The following DRAXIN variants were observed in gnomAD, a reference collection of about 807,000 sequenced individuals.
DRAXIN encodes the protein dorsal inhibitory axon guidance protein, also known as dorsal repulsive axon guidance protein.
DRAXIN carries 27 observed loss-of-function variants against 33.9 expected under a neutral mutation model. That is an observed-to-expected ratio of 0.80 (90% confidence interval 0.59 to 1.10). DRAXIN has a LOEUF of 1.10. Ranked by LOEUF, DRAXIN falls within the 50% of genes least tolerant of loss-of-function variation. The pLI, the probability that DRAXIN is intolerant of heterozygous loss-of-function variation, is 0.00. For missense variants in DRAXIN, 371 were observed against 460.8 expected, an observed-to-expected ratio of 0.81 and a Z score of 1.78; for synonymous variants, 178 against 194.0, an observed-to-expected ratio of 0.92 and a Z score of 0.69.
intron 1 of DRAXIN, among the ~76,000 whole-genome samples, chr1:11,699,097 C>G (rs544076151): frequency 4.6e-5 from 7 of 152,270 alleles, no homozygotes; most frequent in South Asian, 4.1e-4. Flanking sequence ...AACAGACAGA[C>G]AGATGGAGGA....
In DRAXIN at chr1:11,704,396, C is replaced by T. The variant is rs1269764247; in HGVS notation, c.-10-1853C>T. On this transcript the variant is annotated intron_variant, in intron 1 of 6. Coordinates refer to ENST00000294485, the MANE Select transcript of DRAXIN (RefSeq NM_198545.4). This position sits in a 1 kb window ranked among gnomAD's most constrained non-coding sequence, Gnocchi z 4.6. The stretch of plus-strand genomic sequence containing the variant: ...CCAGAGAGCAGCCCCGCTCCACTGG[C>T]CCCGAAGCAGGATTGAGGTTCCCTC... Among the ~76,000 whole-genome samples the T allele has an allele frequency of 6.6e-6, 1 of 152,200 alleles. No homozygotes were observed. The highest frequency in any genetic ancestry group is 1.5e-5 in the Non-Finnish European group (1 of 68,030).
intron 4 of DRAXIN, 29 bp downstream of exon 4, chr1:11,711,994 T>C (rs1290606665): frequency 5.7e-6 from 9 of 1,590,374 alleles, no homozygotes; most frequent in African/African-American, 1.3e-5. Context: ...CTATCTTCCA[T>C]GCCTGGGTGC....
intron 1 of DRAXIN, among the ~76,000 whole-genome samples, chr1:11,693,294 C>G (rs1641131229): frequency 1.3e-5 from 2 of 152,092 alleles, no homozygotes; most frequent in Admixed American, 1.3e-4. Flanking sequence ...TGACTCACCC[C>G]CAATTCTGAA....
intron 1 of DRAXIN, among the ~76,000 whole-genome samples, chr1:11,695,574 C>G (rs1641177705): frequency 6.7e-6 from 1 of 148,882 alleles, no homozygotes; most frequent in South Asian, 2.1e-4. Flanking sequence ...TGCACTCCAG[C>G]CTGGGCAACA....
rs1441855027 is a variant in DRAXIN, at chr1:11,704,503, G to A, written c.-10-1746G>A. On this transcript the variant is annotated intron_variant, in intron 1 of 6. Transcript: ENST00000294485. The surrounding 1 kb of genome is among the most constrained non-coding windows in gnomAD (Gnocchi z 4.6). ...GCTGCCTCAGGAACCAGGGACACAG[G>A]TCCCGCTTGCTGAGCTCTGGCCTCA... is the stretch of plus-strand genomic sequence containing the variant. 6.6e-6 allele frequency among the ~76,000 whole-genome samples: 1 copy of A among 152,226 alleles called. No individual in the cohort carries two copies. Among genetic ancestry groups the A allele is most frequent in the East Asian group, 1.9e-4 (1 of 5,202 alleles).
rs41275444 is a variant in DRAXIN, at chr1:11,706,514, C to G, written c.256C>G (p.Gln86Glu). ...QDGAVVTATR[Q>E]ASRLPEAEGL... Reference sequence around the variant, plus strand: ...TGGGGCTGTGGTCACCGCCACCAGGCAGGCCTCCAGGCTGCCAGAGGCTGA... The same window carrying G: ...TGGGGCTGTGGTCACCGCCACCAGGGAGGCCTCCAGGCTGCCAGAGGCTGA... Residue 86 changes from glutamine to glutamate, a missense_variant, in exon 2 of 7, where the codon CAG becomes GAG. By Grantham distance (29) the Gln-to-Glu change is conservative. Coordinates refer to ENST00000294485, the MANE Select transcript of DRAXIN (RefSeq NM_198545.4). The surrounding 1 kb of genome is among the most constrained non-coding windows in gnomAD (Gnocchi z 5.5). 911 of 1,611,570 alleles carry G rather than the reference C, an allele frequency of 5.7e-4. 4 individuals carry two copies. Among genetic ancestry groups the G allele is most frequent in the Non-Finnish European group, 2.7e-4 (318 of 1,179,230 alleles).
chr1:11,724,978 C>T lies in DRAXIN; in HGVS notation c.*5282C>T. 1 of 152,284 alleles carries T rather than the reference C, an allele frequency of 6.6e-6. No homozygotes were observed. 9.4% of individuals were successfully genotyped at this position (152,284 alleles called of 1,614,324 possible). A position where few individuals can be genotyped will look rare whatever the true frequency, so the allele number is the denominator to read the frequency against. On this transcript the variant is annotated 3_prime_UTR_variant, in exon 7 of 7. Transcript: ENST00000294485. ...TTGCAGGGAGTGTATTTTCTGAATTCTAAGTCAGAACAAGCAGTCTGATAC... is the reference window on the plus strand; with the variant it reads ...TTGCAGGGAGTGTATTTTCTGAATTTTAAGTCAGAACAAGCAGTCTGATAC...
chr1:11,714,983 C>A, intron 5 of DRAXIN, 136 bp from the exon 6 acceptor site: 1 of 964,988 alleles, frequency 1.0e-6, no homozygotes, highest in Non-Finnish European at 1.6e-6. Flanking sequence ...AGGAGCCTTG[C>A]ACACCAGATG....
At chr1:11,712,544 A>C in intron 5 of DRAXIN, 115 bp downstream of exon 5, 1 of 987,486 alleles carries the variant, frequency 1.0e-6, no homozygotes, top group Non-Finnish European at 1.5e-6. Flanking sequence ...TTCATGGATG[A>C]TAAATAATAA....
At chr1:11,709,614 C>G in intron 3 of DRAXIN, 149 bp downstream of exon 3, 2 of 1,045,628 alleles carry the variant, frequency 1.9e-6, no homozygotes. Context: ...TGCTGCCCAT[C>G]CAGTCTAGCT....
chr1:11,695,984 G>A (rs1570305669), intron 1 of DRAXIN, among the ~76,000 whole-genome samples: 1 of 152,306 alleles, frequency 6.6e-6, no homozygotes, highest in East Asian at 1.9e-4. Flanking sequence ...TCCCAAGGCT[G>A]CTGTCGGAAA....
In DRAXIN at chr1:11,710,585, C is replaced by T. The variant is rs72638648; in HGVS notation, c.642+1120C>T. 3.9e-3 allele frequency among the ~76,000 whole-genome samples: 592 copies of T among 152,050 alleles called. 4 individuals are homozygous for T. Among genetic ancestry groups the T allele is most frequent in the Non-Finnish European group, 6.6e-3 (451 of 67,990 alleles). On this transcript the variant is annotated intron_variant, in intron 3 of 6. Coordinates refer to ENST00000294485, the MANE Select transcript of DRAXIN (RefSeq NM_198545.4). ...ATTCTGGAAGAGGGGTATATAGGAG[C>T]TGACCGCATCGTTCTTGCACCTCTT...
intron 1 of DRAXIN, among the ~76,000 whole-genome samples, chr1:11,702,899 T>C (rs1211452777): frequency 6.6e-6 from 1 of 152,208 alleles, no homozygotes. Flanking sequence ...CATGCCATCA[T>C]GCACGTCTAA....
At chr1:11,689,820 G>A (rs977267332), upstream of DRAXIN, among the ~76,000 whole-genome samples, 2 of 151,902 alleles carry the variant, frequency 1.3e-5, no homozygotes, top group Non-Finnish European at 2.9e-5. Flanking sequence ...CCTCTCCTGA[G>A]GTCTGGGTCA....
rs1415990781 is a variant in DRAXIN at position 11,694,506 on chromosome 1, A to T, written c.-11+2653A>T. Among the ~76,000 whole-genome samples, 1 of 152,136 alleles carries T rather than the reference A, an allele frequency of 6.6e-6. No individual in the cohort carries two copies. Among genetic ancestry groups the T allele is most frequent in the Admixed American group, 6.5e-5 (1 of 15,272 alleles). ...GAAGTGGCTCACCCCAGCCGTGCAG[A>T]TTGGGTTTGAAGCCCAGCTGATCAC... On this transcript the variant is annotated intron_variant, in intron 1 of 6. Coordinates refer to ENST00000294485, the MANE Select transcript of DRAXIN (RefSeq NM_198545.4). This position sits in a 1 kb window ranked among gnomAD's most constrained non-coding sequence, Gnocchi z 4.9.
intron 1 of DRAXIN, among the ~76,000 whole-genome samples, chr1:11,693,678 A>G (rs947544289): frequency 6.6e-6 from 1 of 152,146 alleles, no homozygotes; most frequent in Non-Finnish European, 1.5e-5. Flanking sequence ...GACCTGGCAG[A>G]CAGGCCCTAC....
chr1:11,725,653 T>G lies in DRAXIN; in HGVS notation c.*5957T>G, dbSNP rs1641735619. 6.6e-6 allele frequency: 1 copy of G among 152,164 alleles called. No homozygotes were observed. Among genetic ancestry groups the G allele is most frequent in the Admixed American group, 6.5e-5 (1 of 15,268 alleles). The allele number at this position is 152,164 out of a possible 1,614,324, so 9.4% of individuals were successfully genotyped here. On this transcript the variant is annotated 3_prime_UTR_variant, in exon 7 of 7. Transcript: ENST00000294485. ...TCCTGGGCTGCAACTGGTCTTTATT[T>G]TTGGAGGCAATGAATGGAGCACCTC...
At position 11,694,567 on chromosome 1, in the gene DRAXIN, G is replaced by A. The variant is rs1305429800; in HGVS notation, c.-11+2714G>A. Among the ~76,000 whole-genome samples, 3 of 152,146 alleles carry A rather than the reference G, an allele frequency of 2.0e-5. No individual in the cohort carries two copies. Among genetic ancestry groups the A allele is most frequent in the East Asian group, 1.9e-4 (1 of 5,196 alleles). ...TGGGACCCAGAGGGAGTTCCTTCACGTGTGTCGGCCAGGAATGTGATGGAG... is the reference window on the plus strand; with the variant it reads ...TGGGACCCAGAGGGAGTTCCTTCACATGTGTCGGCCAGGAATGTGATGGAG... On this transcript the variant is annotated intron_variant, in intron 1 of 6. Coordinates refer to ENST00000294485, the MANE Select transcript of DRAXIN (RefSeq NM_198545.4). This position sits in a 1 kb window ranked among gnomAD's most constrained non-coding sequence, Gnocchi z 4.9.
At chr1:11,691,600 G>C (rs973633999), upstream of DRAXIN, 11 of 151,122 alleles carry the variant, frequency 7.3e-5, no homozygotes, top group Non-Finnish European at 1.5e-4. Context: ...CCGGCCCCGG[G>C]GCTGCCCCTC....
Sources: allele counts gnomAD v4.1 joint callset (sites outside exome capture counted in the v4.1 genomes callset), GRCh38; gene constraint gnomAD v4.1.1; non-coding constraint Gnocchi (gnomAD v3.1); transcripts MANE v1.5; gene names NCBI Gene and HGNC (gene_info 2026-07-23, HGNC 2026-07-21).